Variants in LEF1 observed in about 807,000 individuals in gnomAD.
LEF1 encodes the protein lymphoid enhancer-binding factor 1.
A neutral mutation model predicts 51.2 loss-of-function variants in LEF1; 14 were observed. That is an observed-to-expected ratio of 0.27 (90% confidence interval 0.18 to 0.43). LEF1 has a LOEUF of 0.43. Ranked by LOEUF, LEF1 falls within the 20% of genes least tolerant of loss-of-function variation. The probability of loss-of-function intolerance (pLI) is 1.00; values close to 1 mark genes in which losing one functional copy is unlikely to be tolerated. For synonymous variants in LEF1, 185 were observed against 183.2 expected, an observed-to-expected ratio of 1.01 and a Z score of -0.08; for missense variants, 386 against 512.0, an observed-to-expected ratio of 0.75 and a Z score of 2.37.
intron 3 of LEF1, among the ~76,000 whole-genome samples, chr4:108,090,416 T>C (rs72894366): frequency 0.05 from 7,645 of 152,286 alleles, 642 homozygotes; most frequent in African/African-American, 0.17. Context: ...AGTTATCTAA[T>C]TGGACTTCAT....
chr4:108,097,720 C>A (rs1029057362), intron 3 of LEF1, among the ~76,000 whole-genome samples: 1 of 141,518 alleles, frequency 7.1e-6, no homozygotes, highest in African/African-American at 2.6e-5. Flanking sequence ...TATTATGTAC[C>A]CATAATGATT....
intron 3 of LEF1, among the ~76,000 whole-genome samples, chr4:108,102,631 T>C (rs1165241492): frequency 6.6e-6 from 1 of 152,168 alleles, no homozygotes; most frequent in Non-Finnish European, 1.5e-5. Context: ...AGGGACATGA[T>C]GTTCAGTGGT....
intron 3 of LEF1, among the ~76,000 whole-genome samples, chr4:108,093,130 C>T (rs1034745205): frequency 6.6e-6 from 1 of 152,022 alleles, no homozygotes. Flanking sequence ...AGCCGAGAAA[C>T]AGAGGTCACC....
chr4:108,052,912 C>G (rs1296131007), intron 11 of LEF1, among the ~76,000 whole-genome samples: 1 of 152,218 alleles, frequency 6.6e-6, no homozygotes, highest in Middle Eastern at 3.2e-3. Flanking sequence ...CAGTTTGCAT[C>G]TTCCCACCCA....
intron 3 of LEF1, among the ~76,000 whole-genome samples, chr4:108,151,448 A>C (rs1366916019): frequency 6.6e-6 from 1 of 152,168 alleles, no homozygotes; most frequent in Non-Finnish European, 1.5e-5. Context: ...AAGAAACTGA[A>C]GTTGCAGAAA....
chr4:108,066,775 G>A (rs923219397), intron 9 of LEF1, among the ~76,000 whole-genome samples: 7 of 152,028 alleles, frequency 4.6e-5, no homozygotes, highest in East Asian at 1.9e-4. Context: ...AAAATTATAC[G>A]GACTGTATAA....
At chr4:108,157,736 A>C (rs117279263) in intron 3 of LEF1, among the ~76,000 whole-genome samples, 2 of 152,348 alleles carry the variant, frequency 1.3e-5, no homozygotes, top group East Asian at 1.9e-4. Flanking sequence ...CTTGCTCTGC[A>C]CTGCCCTTGC....
At chr4:108,161,159 G>C (rs60385316) in intron 3 of LEF1, among the ~76,000 whole-genome samples, 5,188 of 152,266 alleles carry the variant, frequency 0.034, 285 homozygotes, top group African/African-American at 0.12. Context: ...GTGAAGAAGA[G>C]AGGCTGTCTT....
chr4:108,128,267 T>A (rs1202648466), intron 3 of LEF1, among the ~76,000 whole-genome samples: 1 of 152,110 alleles, frequency 6.6e-6, no homozygotes, highest in Non-Finnish European at 1.5e-5. Context: ...AGCAATCAAG[T>A]CAGGACCTTC....
chr4:108,085,327 G>T (rs1048228569), intron 4 of LEF1, among the ~76,000 whole-genome samples: 2 of 152,128 alleles, frequency 1.3e-5, no homozygotes, highest in African/African-American at 4.8e-5. Flanking sequence ...CAGGTGATCC[G>T]CCCGCCTCGT....
chr4:108,101,595 T>C (rs1214851406), intron 3 of LEF1, among the ~76,000 whole-genome samples: 3 of 152,152 alleles, frequency 2.0e-5, no homozygotes, highest in African/African-American at 7.2e-5. Flanking sequence ...GAGGAGTGGG[T>C]AGGCAAGTTC....
chr4:108,112,234 G>C lies in LEF1; in HGVS notation c.415-22977C>G, dbSNP rs75331420. 2.8e-3 allele frequency among the ~76,000 whole-genome samples: 429 copies of C among 152,324 alleles called. 2 individuals carry two copies. The highest frequency in any genetic ancestry group is 9.8e-3 in the African/African-American group (408 of 41,576). On this transcript the variant is annotated intron_variant, in intron 3 of 11. Coordinates refer to ENST00000265165, the MANE Select transcript of LEF1 (RefSeq NM_016269.5). ...TATGAGCTTATGATGGTTTTCGTGTGGTCAGATGAAGGCTGTGAGGTCTCT... is the reference window on the plus strand; with the variant it reads ...TATGAGCTTATGATGGTTTTCGTGTCGTCAGATGAAGGCTGTGAGGTCTCT...
At chr4:108,133,746 C>A (rs1743054363) in intron 3 of LEF1, among the ~76,000 whole-genome samples, 1 of 152,148 alleles carries the variant, frequency 6.6e-6, no homozygotes, top group Non-Finnish European at 1.5e-5. Context: ...TCAATAAACT[C>A]CTTTGATAAC....
At chr4:108,165,342 T>A in intron 1 of LEF1, 179 bp from the exon 2 acceptor site, 1 of 536,030 alleles carries the variant, frequency 1.9e-6, no homozygotes, top group Non-Finnish European at 3.3e-6. Flanking sequence ...CTTGTCAACA[T>A]GTATTTTTGA....
At chr4:108,104,699 C>G (rs1028103199) in intron 3 of LEF1, 2 of 984,546 alleles carry the variant, frequency 2.0e-6, no homozygotes, top group Non-Finnish European at 2.4e-6. Flanking sequence ...CTCTTTCCCA[C>G]TCCCCGCCCT....
At chr4:108,116,277 T>G (rs2110325180) in intron 3 of LEF1, among the ~76,000 whole-genome samples, 1 of 152,186 alleles carries the variant, frequency 6.6e-6, no homozygotes, top group African/African-American at 2.4e-5. Context: ...TCCCAGCACT[T>G]TGGGAGGCCG....
chr4:108,079,051 T>C (rs904841708), intron 7 of LEF1, among the ~76,000 whole-genome samples: 2 of 152,220 alleles, frequency 1.3e-5, no homozygotes, highest in African/African-American at 4.8e-5. Context: ...TGGGCTTTAT[T>C]TGTTCCTTTC....
chr4:108,164,296 A>G (rs551866510), intron 2 of LEF1, among the ~76,000 whole-genome samples: 2 of 152,258 alleles, frequency 1.3e-5, no homozygotes, highest in South Asian at 4.1e-4. Flanking sequence ...TTTCTGTTCG[A>G]TATGTGTATT....
At chr4:108,166,399 A>T in intron 1 of LEF1, 1 of 1,445,160 alleles carries the variant, frequency 6.9e-7, no homozygotes, top group Non-Finnish European at 9.1e-7. Flanking sequence ...TTTAAGGAAA[A>T]AAAGGTATAT....
Sources: gnomAD v4.1 joint callset for allele counts (sites outside exome capture counted in the v4.1 genomes callset) on GRCh38, gnomAD v4.1.1 for gene constraint, MANE v1.5 for transcripts, NCBI Gene and HGNC (gene_info 2026-07-23, HGNC 2026-07-21) for gene names.